PDE1C: variants seen among roughly 807,000 people sequenced by gnomAD.
The protein encoded by PDE1C is dual specificity calcium/calmodulin-dependent 3',5'-cyclic nucleotide phosphodiesterase 1C.
In PDE1C, 62 loss-of-function variants were observed where a neutral mutation model predicts 93.1. That is an observed-to-expected ratio of 0.67 (90% CI 0.54 to 0.82). The LOEUF is 0.82. Ranked by LOEUF, PDE1C falls within the 40% of genes least tolerant of loss-of-function variation. PDE1C has a pLI of 0.00. For missense variants in PDE1C, 742 were observed against 884.6 expected, an observed-to-expected ratio of 0.84 and a Z score of 2.04; for synonymous variants, 325 against 310.1, an observed-to-expected ratio of 1.05 and a Z score of -0.50.
intron 1 of PDE1C, among the ~76,000 whole-genome samples, chr7:32,315,715 G>A (rs1015902059): frequency 6.6e-6 from 1 of 152,164 alleles, no homozygotes; most frequent in Non-Finnish European, 1.5e-5. Context: ...AAAATATTTT[G>A]GCCGGCGTGG....
chr7:32,311,419 C>T (rs1328375865), intron 1 of PDE1C, among the ~76,000 whole-genome samples: 1 of 152,216 alleles, frequency 6.6e-6, no homozygotes, highest in Non-Finnish European at 1.5e-5. Flanking sequence ...CCAGCATCAT[C>T]CTGATACCAA....
chr7:32,143,925 A>C (rs1374888191), intron 3 of PDE1C, among the ~76,000 whole-genome samples: 1 of 152,164 alleles, frequency 6.6e-6, no homozygotes, highest in Non-Finnish European at 1.5e-5. Context: ...CCCACGCTAC[A>C]AGAGCACGCA....
rs1466683145 is a variant in PDE1C at position 32,220,953 on chromosome 7, G to C, written c.86-11414C>G. Among the ~76,000 whole-genome samples the C allele has an allele frequency of 2.0e-5, 3 of 152,176 alleles. No homozygotes were observed. In the East Asian group the frequency reaches 5.8e-4, roughly 29 times the overall value. ...TAGGGATGGGAGCACCTTCCTTCTG[G>C]AGGCAGGAAGCAGTTCTCCAAAAGA... is the stretch of plus-strand genomic sequence containing the variant. On this transcript the variant is annotated intron_variant, in intron 1 of 18. Transcript: ENST00000396193.
At chr7:32,139,001 G>A (rs1800360834) in intron 3 of PDE1C, among the ~76,000 whole-genome samples, 2 of 152,142 alleles carry the variant, frequency 1.3e-5, no homozygotes, top group Non-Finnish European at 2.9e-5. Context: ...GGAGGAAAAT[G>A]TACCTAGTGT....
At chr7:32,308,491 CA>C (rs1183277374) in intron 1 of PDE1C, among the ~76,000 whole-genome samples, 4 of 152,218 alleles carry the variant, frequency 2.6e-5, no homozygotes, top group Non-Finnish European at 5.9e-5. Flanking sequence ...CCAGTAGTGG[CA>C]GACTGACACC....
At chr7:32,235,798 T>C (rs1808034378) in intron 1 of PDE1C, among the ~76,000 whole-genome samples, 1 of 152,138 alleles carries the variant, frequency 6.6e-6, no homozygotes, top group Non-Finnish European at 1.5e-5. Context: ...ATATGCAAGC[T>C]GATTTTGAAA....
chr7:31,682,513 C>A, the PDE1C span, among the ~76,000 whole-genome samples: 1 of 152,180 alleles, frequency 6.6e-6, no homozygotes. Context: ...GATCATGCCA[C>A]ATTGCTGGTG....
intron 1 of PDE1C, among the ~76,000 whole-genome samples, chr7:32,283,289 T>C (rs1175839467): frequency 6.6e-6 from 1 of 152,200 alleles, no homozygotes; most frequent in Non-Finnish European, 1.5e-5. Context: ...ACAGTAATGG[T>C]CCCATATTTG....
rs143871820 is a variant in PDE1C at position 32,262,368 on chromosome 7, G to A, written c.85+36283C>T. Among the ~76,000 whole-genome samples the A allele has an allele frequency of 1.6e-3, 236 of 152,212 alleles. 1 individual carries two copies. The highest frequency in any genetic ancestry group is 5.4e-3 in the African/African-American group (224 of 41,532). On this transcript the variant is annotated intron_variant, in intron 1 of 18. Coordinates refer to the PDE1C transcript ENST00000396193. Reference sequence around the variant, plus strand: ...AGGTGCTGGGAGGAAGGAACAGGGGGTGCTGATTACCTTTGAAGGAGAGAA... The same window carrying A: ...AGGTGCTGGGAGGAAGGAACAGGGGATGCTGATTACCTTTGAAGGAGAGAA...
intron 1 of PDE1C, among the ~76,000 whole-genome samples, chr7:32,425,569 A>C (rs935838778): frequency 6.6e-6 from 1 of 152,214 alleles, no homozygotes; most frequent in African/African-American, 2.4e-5. Context: ...ATCCAGAACG[A>C]ATCTAATTCA....
intron 11 of PDE1C, among the ~76,000 whole-genome samples, chr7:31,832,217 C>T (rs1790504408): frequency 6.6e-6 from 1 of 152,128 alleles, no homozygotes; most frequent in South Asian, 2.1e-4. Context: ...ATACTATAGA[C>T]ACGGATTAAA....
At chr7:32,382,907 T>C (rs534882553) in intron 1 of PDE1C, among the ~76,000 whole-genome samples, 64 of 152,288 alleles carry the variant, frequency 4.2e-4, no homozygotes, top group African/African-American at 1.5e-3. Flanking sequence ...ACCTCTCTGC[T>C]TCCTCCTCAT....
At chr7:31,818,843 A>G (rs771949726) in intron 14 of PDE1C, among the ~76,000 whole-genome samples, 3 of 152,180 alleles carry the variant, frequency 2.0e-5, no homozygotes, top group Non-Finnish European at 4.4e-5. Context: ...AGTTGGAAAT[A>G]ATTTTGATAA....
intron 2 of PDE1C, among the ~76,000 whole-genome samples, chr7:31,982,695 T>A (rs1812553584): frequency 6.6e-6 from 1 of 152,138 alleles, no homozygotes; most frequent in Non-Finnish European, 1.5e-5. Flanking sequence ...CAACTCACTA[T>A]AACAATTGTA....
intron 2 of PDE1C, among the ~76,000 whole-genome samples, chr7:31,938,716 A>C (rs2128994728): frequency 6.6e-6 from 1 of 152,310 alleles, no homozygotes; most frequent in South Asian, 2.1e-4. Context: ...TGAATGACAC[A>C]CAGCTCCTAG....
the PDE1C span, among the ~76,000 whole-genome samples, chr7:31,628,067 A>T: frequency 6.6e-6 from 1 of 152,216 alleles, no homozygotes; most frequent in Admixed American, 6.5e-5. Flanking sequence ...AAGCAGAGGG[A>T]GCCGACTACT....
chr7:32,184,157 G>A (rs1219625580), intron 2 of PDE1C, among the ~76,000 whole-genome samples: 2 of 152,196 alleles, frequency 1.3e-5, no homozygotes, highest in Admixed American at 6.5e-5. Flanking sequence ...AACTGGTGCT[G>A]GAGAGGATGT....
rs760660732 is a variant in PDE1C at position 31,865,083 on chromosome 7, C to A, written c.610-1G>T. On this transcript the variant is annotated splice_acceptor_variant, in intron 6 of 17. Coordinates refer to ENST00000396191, the MANE Select transcript of PDE1C (RefSeq NM_001191057.4). LOFTEE classifies it high-confidence loss of function. ...ATGAGACAAGTGCAGAAATGGGGAT[C>A]TGAAAGAGAGCAGTAAGGTTAATTA... 5 of 1,614,010 alleles carry A rather than the reference C, an allele frequency of 3.1e-6. No individual in the cohort carries two copies. In the Admixed American group the frequency reaches 8.3e-5, roughly 27 times the overall value.
At chr7:32,114,689 G>A (rs1363346212) in intron 3 of PDE1C, among the ~76,000 whole-genome samples, 1 of 152,086 alleles carries the variant, frequency 6.6e-6, no homozygotes, top group African/African-American at 2.4e-5. Flanking sequence ...CCTACAGAAT[G>A]GGCGAAAATT....
Sources: allele counts gnomAD v4.1 joint callset (sites outside exome capture counted in the v4.1 genomes callset), GRCh38; gene constraint gnomAD v4.1.1; transcripts MANE v1.5; gene names NCBI Gene and HGNC (gene_info 2026-07-23, HGNC 2026-07-21).